Variants in PUM1 observed in about 807,000 individuals in gnomAD.
The protein encoded by PUM1 is pumilio homolog 1.
A neutral mutation model predicts 131.8 loss-of-function variants in PUM1; 13 were observed. That is an observed-to-expected ratio of 0.10 (90% CI 0.06 to 0.16). The LOEUF (loss-of-function observed/expected upper bound fraction) is 0.16. Among genes scored for constraint, PUM1 ranks in the 10% least tolerant of loss-of-function variants. PUM1 has a pLI of 1.00. For synonymous variants in PUM1, 509 were observed against 556.5 expected (o/e 0.91, Z 1.20); for missense variants, 961 against 1,512.4 (o/e 0.64, Z 6.05).
At chr1:31,039,584 G>A (rs569755040) in intron 2 of PUM1, among the ~76,000 whole-genome samples, 4 of 152,260 alleles carry the variant, frequency 2.6e-5, no homozygotes, top group South Asian at 2.1e-4. Context: ...ATTCTATAAC[G>A]TAGGCTATAG....
At chr1:30,970,494 T>C (rs1355052658) in intron 10 of PUM1, among the ~76,000 whole-genome samples, 1 of 152,186 alleles carries the variant, frequency 6.6e-6, no homozygotes, top group African/African-American at 2.4e-5. Flanking sequence ...CAATAACCAA[T>C]AGCAAATCAC....
In PUM1 at chr1:31,056,609, C is replaced by CTTTTCT. The variant is rs1644245029; in HGVS notation, c.363+2594_363+2595insAGAAAA. Among the ~76,000 whole-genome samples the CTTTTCT allele has an allele frequency of 2.9e-3, 128 of 43,768 alleles. 6 individuals are homozygous for CTTTTCT. Among genetic ancestry groups the CTTTTCT allele is most frequent in the Non-Finnish European group, 3.9e-3 (96 of 24,924 alleles). The allele number at this position is 43,768 out of a possible 152,430, so 28.7% of individuals were successfully genotyped here. A position where few individuals can be genotyped will look rare whatever the true frequency, so the allele number is the denominator to read the frequency against. ...CAGCTGAAAACCTTCCTTTTCTTTT[C>CTTTTCT]TTTTTTTTTTTTTTTTTTTTTTTTT... On this transcript the variant is annotated intron_variant, in intron 2 of 21. Transcript: ENST00000426105.
At chr1:31,023,901 G>C (rs1019173609) in intron 3 of PUM1, among the ~76,000 whole-genome samples, 2 of 147,524 alleles carry the variant, frequency 1.4e-5, no homozygotes, top group Admixed American at 6.8e-5. Flanking sequence ...ACTTCAGCCT[G>C]GTGACAGAGC....
rs1042247972 is a variant in PUM1 at position 30,975,593 on chromosome 1, G to A, written c.1355-791C>T. ...TGGTGTCAAACTCCTGGGCTCAAGCGATCCATCTGCCTTGGCCTCCCATAT... is the reference window on the plus strand; with the variant it reads ...TGGTGTCAAACTCCTGGGCTCAAGCAATCCATCTGCCTTGGCCTCCCATAT... On this transcript the variant is annotated intron_variant, in intron 9 of 21. Transcript: ENST00000426105. 5.6e-5 allele frequency among the ~76,000 whole-genome samples: 8 copies of A among 143,756 alleles called. No homozygotes were observed. The East Asian group carries it at 1.0e-3, about 18-fold the overall frequency. The allele number at this position is 143,756 out of a possible 152,430, so 94.3% of individuals were successfully genotyped here.
rs1639470251 is a variant in PUM1, at chr1:30,942,194, TA to T, written c.2995-72del. On this transcript the variant is annotated intron_variant, in intron 18 of 21. Transcript: ENST00000426105. ...ACCTTCAATGCTTCAGTATTGTTTA[TA>T]TATATATATATATATATATATATAT... The T allele has an allele frequency of 4.4e-3, 717 of 163,654 alleles. 29 individuals carry two copies. Among genetic ancestry groups the T allele is most frequent in the African/African-American group, 0.03 (411 of 13,888 alleles). 10.1% of individuals were successfully genotyped at this position (163,654 alleles called of 1,614,324 possible).
intron 3 of PUM1, among the ~76,000 whole-genome samples, chr1:31,028,420 G>T (rs984105916): frequency 1.2e-4 from 2 of 16,764 alleles, no homozygotes; most frequent in Non-Finnish European, 1.8e-4. Flanking sequence ...TGCCATTGGC[G>T]GGGGGGGTGG....
chr1:31,034,008 T>A (rs192018570), intron 2 of PUM1, among the ~76,000 whole-genome samples: 1 of 152,294 alleles, frequency 6.6e-6, no homozygotes, highest in African/African-American at 2.4e-5. Context: ...ATGATCCAAA[T>A]AGAAATTCAA....
chr1:30,997,149 A>C (rs1461532658), intron 5 of PUM1, among the ~76,000 whole-genome samples: 1 of 152,214 alleles, frequency 6.6e-6, no homozygotes, highest in Non-Finnish European at 1.5e-5. Context: ...TCTACAAATC[A>C]AATCACTGGC....
chr1:30,970,439 CA>C (rs1640829972), intron 10 of PUM1, among the ~76,000 whole-genome samples: 1 of 152,142 alleles, frequency 6.6e-6, no homozygotes, highest in Non-Finnish European at 1.5e-5. Context: ...GGAAATATCT[CA>C]AATAATGTGT....
At chr1:30,991,278 C>G (rs1364256821) in intron 7 of PUM1, among the ~76,000 whole-genome samples, 1 of 152,140 alleles carries the variant, frequency 6.6e-6, no homozygotes, top group Non-Finnish European at 1.5e-5. Context: ...AGAGTGTACA[C>G]TTTCAGTTTA....
At chr1:31,059,078 A>T in intron 2 of PUM1, 126 bp downstream of exon 2, 1 of 1,121,174 alleles carries the variant, frequency 8.9e-7, no homozygotes, top group Non-Finnish European at 1.3e-6. Context: ...CTTTATAACA[A>T]GTAACTGTTT....
At chr1:31,007,243 C>CTG (rs2124510796) in intron 3 of PUM1, 141 bp from the exon 4 acceptor site, 2 of 649,474 alleles carry the variant, frequency 3.1e-6, no homozygotes, top group Non-Finnish European at 5.4e-6. Context: ...AACTACACAA[C>CTG]TGTGGTCAGA....
intron 2 of PUM1, among the ~76,000 whole-genome samples, chr1:31,029,380 G>A (rs1038322580): frequency 5.3e-5 from 8 of 152,180 alleles, no homozygotes; most frequent in Non-Finnish European, 1.2e-4. Context: ...TCCATATTGG[G>A]AGATCCCTGG....
At chr1:30,961,836 G>A (rs1242822691) in intron 14 of PUM1, among the ~76,000 whole-genome samples, 2 of 152,042 alleles carry the variant, frequency 1.3e-5, no homozygotes, top group Non-Finnish European at 2.9e-5. Flanking sequence ...AAGGGGTGAA[G>A]GGTTCTTTTG....
At chr1:31,011,804 C>T (rs1179329731) in intron 3 of PUM1, among the ~76,000 whole-genome samples, 1 of 151,904 alleles carries the variant, frequency 6.6e-6, no homozygotes, top group African/African-American at 2.4e-5. Context: ...TTTGACAAGG[C>T]GAAAAGTAAC....
intron 9 of PUM1, among the ~76,000 whole-genome samples, chr1:30,978,549 A>G (rs1641232089): frequency 6.6e-6 from 1 of 152,270 alleles, no homozygotes; most frequent in South Asian, 2.1e-4. Context: ...GCTAGGCTAC[A>G]TTTAAGTTCA....
chr1:31,024,756 A>G (rs1470591321), intron 3 of PUM1, among the ~76,000 whole-genome samples: 1 of 152,230 alleles, frequency 6.6e-6, no homozygotes, highest in African/African-American at 2.4e-5. Flanking sequence ...TTCCAACTAC[A>G]GCTTCTTTTT....
At chr1:31,018,811 G>A (rs561746051) in intron 3 of PUM1, among the ~76,000 whole-genome samples, 1 of 152,210 alleles carries the variant, frequency 6.6e-6, no homozygotes. Context: ...AGAGACAGCT[G>A]AGTGCAAAAG....
At chr1:31,056,424 G>C (rs1344108367) in intron 2 of PUM1, among the ~76,000 whole-genome samples, 1 of 151,696 alleles carries the variant, frequency 6.6e-6, no homozygotes, top group Admixed American at 6.6e-5. Flanking sequence ...GGGATTACAG[G>C]TGTGCACCAC....
Sources: gnomAD v4.1 joint callset for allele counts (sites outside exome capture counted in the v4.1 genomes callset) on GRCh38, gnomAD v4.1.1 for gene constraint, MANE v1.5 for transcripts, NCBI Gene and HGNC (gene_info 2026-07-23, HGNC 2026-07-21) for gene names.